Variants in TMPRSS15 observed in about 807,000 individuals in gnomAD.
The protein encoded by TMPRSS15 is transmembrane serine protease 15, also known as enteropeptidase.
Under a neutral mutation model 125.3 loss-of-function variants are expected in TMPRSS15, and 128 were observed. That is an observed-to-expected ratio of 1.02 (90% confidence interval 0.89 to 1.18). The LOEUF is 1.18. Ranked by LOEUF, TMPRSS15 falls within the 50% of genes most tolerant of loss-of-function variation. The pLI, the probability that TMPRSS15 is intolerant of heterozygous loss-of-function variation, is 0.00. For missense variants in TMPRSS15, 1,283 were observed against 1,212.7 expected (o/e 1.06, Z -0.86); for synonymous variants, 446 against 423.2 (o/e 1.05, Z -0.66).
intron 7 of TMPRSS15, among the ~76,000 whole-genome samples, chr21:18,363,954 C>T (rs2075701917): frequency 6.6e-6 from 1 of 151,992 alleles, no homozygotes. Flanking sequence ...AGGGGCTGCA[C>T]TCCAAATCGA....
intron 16 of TMPRSS15, among the ~76,000 whole-genome samples, chr21:18,319,368 G>T (rs969963581): frequency 1.3e-5 from 2 of 148,282 alleles, no homozygotes; most frequent in African/African-American, 5.0e-5. Flanking sequence ...ATACGCAGTA[G>T]ATAATATTTT....
intron 13 of TMPRSS15, among the ~76,000 whole-genome samples, chr21:18,338,063 C>T (rs1228294532): frequency 1.3e-5 from 2 of 152,178 alleles, no homozygotes; most frequent in South Asian, 2.1e-4. Context: ...CCAAGCTTGA[C>T]ATAAAGGTGC....
chr21:18,371,385 G>A (rs1044192764), intron 6 of TMPRSS15, among the ~76,000 whole-genome samples: 2 of 146,858 alleles, frequency 1.4e-5, no homozygotes, highest in African/African-American at 2.7e-5. Context: ...CTTCTTAAAT[G>A]TGTTACACAC....
intron 1 of TMPRSS15, among the ~76,000 whole-genome samples, chr21:18,403,242 TAA>T (rs1019912364): frequency 6.6e-6 from 1 of 152,240 alleles, no homozygotes; most frequent in Non-Finnish European, 1.5e-5. Flanking sequence ...AATTCTGCAT[TAA>T]GTTTCAAATT....
intron 1 of TMPRSS15, among the ~76,000 whole-genome samples, chr21:18,478,950 T>A (rs1978929049): frequency 6.6e-6 from 1 of 152,012 alleles, no homozygotes; most frequent in Admixed American, 6.6e-5. Flanking sequence ...ATATTCCTTA[T>A]TCCAAATACT....
chr21:18,300,224 T>C (rs572616763), intron 18 of TMPRSS15, among the ~76,000 whole-genome samples: 185 of 137,352 alleles, frequency 1.3e-3, no homozygotes, highest in African/African-American at 4.2e-3. Context: ...CTTTCTCTCT[T>C]TTTCTTTCTT....
chr21:18,478,860 C>T (rs1231000865), intron 1 of TMPRSS15, among the ~76,000 whole-genome samples: 1 of 151,904 alleles, frequency 6.6e-6, no homozygotes, highest in Admixed American at 6.6e-5. Flanking sequence ...TAGTTTTGAC[C>T]ATGTTTCTCT....
At chr21:18,471,594 G>T (rs1194463293) in intron 1 of TMPRSS15, among the ~76,000 whole-genome samples, 1 of 151,994 alleles carries the variant, frequency 6.6e-6, no homozygotes, top group East Asian at 1.9e-4. Context: ...TAAGTATGTG[G>T]GATAGACACG....
chr21:18,375,685 C>G (rs2075834786), intron 5 of TMPRSS15, among the ~76,000 whole-genome samples: 2 of 152,076 alleles, frequency 1.3e-5, no homozygotes, highest in South Asian at 4.1e-4. Flanking sequence ...TGAAAACACA[C>G]CAGTAGATTA....
At chr21:18,284,811 G>T (rs2074743058) in intron 21 of TMPRSS15, among the ~76,000 whole-genome samples, 1 of 152,066 alleles carries the variant, frequency 6.6e-6, no homozygotes, top group Non-Finnish European at 1.5e-5. Context: ...GACCGTCCTG[G>T]CCAACATGGT....
chr21:18,302,321 G>C (rs1245744209), intron 18 of TMPRSS15, among the ~76,000 whole-genome samples: 1 of 152,122 alleles, frequency 6.6e-6, no homozygotes, highest in Non-Finnish European at 1.5e-5. Context: ...AGAAGGCAGG[G>C]GGACCATTTT....
intron 7 of TMPRSS15, among the ~76,000 whole-genome samples, chr21:18,363,634 T>C (rs947200619): frequency 1.3e-5 from 2 of 152,152 alleles, no homozygotes; most frequent in African/African-American, 4.8e-5. Context: ...TTTAAATAAG[T>C]GCTAGAGTTA....
At chr21:18,376,200 G>GTT (rs11438174) in intron 5 of TMPRSS15, among the ~76,000 whole-genome samples, 1,814 of 149,460 alleles carry the variant, frequency 0.012, 28 homozygotes, top group African/African-American at 0.035. Flanking sequence ...AACAAATCTA[G>GTT]TTTTTTTTTT....
intron 18 of TMPRSS15, among the ~76,000 whole-genome samples, chr21:18,298,861 C>T (rs2074935050): frequency 1.3e-5 from 2 of 152,114 alleles, no homozygotes. Flanking sequence ...CAGGGAACTT[C>T]CAAGTAACAT....
chr21:18,291,147 A>T (rs1000290612), intron 21 of TMPRSS15, among the ~76,000 whole-genome samples: 4 of 152,246 alleles, frequency 2.6e-5, no homozygotes, highest in Non-Finnish European at 5.9e-5. Flanking sequence ...TTGTCCTGAC[A>T]AGCAAGATAG....
At chr21:18,327,841 T>G (rs1292804289) in intron 15 of TMPRSS15, among the ~76,000 whole-genome samples, 1 of 152,050 alleles carries the variant, frequency 6.6e-6, no homozygotes, top group East Asian at 1.9e-4. Flanking sequence ...AGACACCTTT[T>G]TCTTAAAAAT....
At chr21:18,365,088 T>A (rs776128286) in intron 7 of TMPRSS15, 52 bp downstream of exon 7, 133 of 1,460,676 alleles carry the variant, frequency 9.1e-5, no homozygotes, top group Non-Finnish European at 1.2e-4. Flanking sequence ...AGACGTTGCA[T>A]CAGAAAAACG....
intron 1 of TMPRSS15, among the ~76,000 whole-genome samples, chr21:18,449,342 A>G (rs2076262522): frequency 6.6e-6 from 1 of 152,130 alleles, no homozygotes; most frequent in Non-Finnish European, 1.5e-5. Flanking sequence ...GATAGAGAGG[A>G]ACCCAGAGTT....
chr21:18,367,224 A>G lies in TMPRSS15; in HGVS notation c.665-1976T>C, dbSNP rs796094031. On this transcript the variant is annotated intron_variant, in intron 6 of 24. Coordinates refer to ENST00000284885, the MANE Select transcript of TMPRSS15 (RefSeq NM_002772.3). ...AGAAGCAAGGATTAAATTCTGAACAATCCGGCACAGATCACAGGAAAGAAA... is the reference window on the plus strand; with the variant it reads ...AGAAGCAAGGATTAAATTCTGAACAGTCCGGCACAGATCACAGGAAAGAAA... Among the ~76,000 whole-genome samples, 10 of 152,298 alleles carry G rather than the reference A, an allele frequency of 6.6e-5. 1 individual carries two copies. Among genetic ancestry groups the G allele is most frequent in the African/African-American group, 2.4e-4 (10 of 41,586 alleles).
Sources: allele counts gnomAD v4.1 joint callset (sites outside exome capture counted in the v4.1 genomes callset), GRCh38; gene constraint gnomAD v4.1.1; transcripts MANE v1.5; gene names NCBI Gene and HGNC (gene_info 2026-07-23, HGNC 2026-07-21).